Variants in AMPH observed in about 807,000 individuals in gnomAD.
AMPH encodes the protein amphiphysin, also known as amphiphysin (Stiff-Mann syndrome with breast cancer 128kD autoantigen).
A neutral mutation model predicts 99.1 loss-of-function variants in AMPH; 49 were observed. That is an observed-to-expected ratio of 0.49 (90% CI 0.39 to 0.63). The LOEUF is 0.63. Among genes scored for constraint, AMPH ranks in the 20% least tolerant of loss-of-function variants. The pLI is 0.00. For synonymous variants in AMPH, 314 were observed against 317.3 expected (o/e 0.99, Z 0.11); for missense variants, 759 against 863.4 (o/e 0.88, Z 1.52).
intron 11 of AMPH, among the ~76,000 whole-genome samples, chr7:38,440,073 C>G (rs950075042): frequency 3.9e-5 from 6 of 152,136 alleles, no homozygotes; most frequent in African/African-American, 1.4e-4. Flanking sequence ...AAAGTAGAGC[C>G]TTGCATAGCT....
intron 17 of AMPH, 109 bp from the exon 18 acceptor site, chr7:38,394,323 G>T: frequency 8.5e-7 from 1 of 1,182,510 alleles, no homozygotes; most frequent in Non-Finnish European, 1.2e-6. Context: ...TTCAGATTTG[G>T]AACATTCTTT....
In AMPH at chr7:38,422,269, T is replaced by C. The variant is rs145981481; in HGVS notation, c.1272+152A>G. On this transcript the variant is annotated intron_variant, in intron 16 of 20. Transcript: ENST00000356264. ...CAAATGCAAAGTCACACTGAGGTTTTACAGACACATTCTCTCCTGTTTTCT... is the reference window on the plus strand; with the variant it reads ...CAAATGCAAAGTCACACTGAGGTTTCACAGACACATTCTCTCCTGTTTTCT... 15 of 661,464 alleles carry C rather than the reference T, an allele frequency of 2.3e-5. No homozygotes were observed. In the East Asian group the frequency reaches 4.1e-4, roughly 18 times the overall value. 41.0% of individuals were successfully genotyped at this position (661,464 alleles called of 1,614,324 possible). A position where few individuals can be genotyped will look rare whatever the true frequency, so the allele number is the denominator to read the frequency against.
chr7:38,545,937 C>T (rs1412578352), intron 1 of AMPH, among the ~76,000 whole-genome samples: 1 of 152,090 alleles, frequency 6.6e-6, no homozygotes, highest in Non-Finnish European at 1.5e-5. Context: ...ACATACATTG[C>T]AGGTTTGAAT....
intron 1 of AMPH, among the ~76,000 whole-genome samples, chr7:38,537,052 T>C (rs1277093796): frequency 1.3e-5 from 2 of 152,192 alleles, no homozygotes; most frequent in East Asian, 1.9e-4. Flanking sequence ...AGAAAATTCA[T>C]TAACATAAAT....
intron 11 of AMPH, among the ~76,000 whole-genome samples, chr7:38,450,965 A>C (rs1786989527): frequency 6.6e-6 from 1 of 150,982 alleles, no homozygotes; most frequent in East Asian, 1.9e-4. Context: ...ATCATAGCTC[A>C]CTGTAACCTC....
chr7:38,523,059 G>A (rs370108562), intron 2 of AMPH, among the ~76,000 whole-genome samples: 149 of 150,874 alleles, frequency 9.9e-4, no homozygotes, highest in African/African-American at 3.4e-3. Context: ...AGTGAGTGGC[G>A]ATCGCACCTC....
rs3807413 is a variant in AMPH at position 38,497,459 on chromosome 7, G to A, written c.206-2932C>T. ...TTTCAAAATTTTGGACCTTCTCCAA[G>A]ACATTTCATATAACATTGTCTATTC... is the stretch of plus-strand genomic sequence containing the variant. On this transcript the variant is annotated intron_variant, in intron 3 of 20. Coordinates refer to ENST00000356264, the MANE Select transcript of AMPH (RefSeq NM_001635.4). 0.011 allele frequency among the ~76,000 whole-genome samples: 1,728 copies of A among 152,252 alleles called. 77 individuals are homozygous for A. In the East Asian group the frequency reaches 0.16, roughly 14 times the overall value.
At chr7:38,614,990 G>A (rs1444064712) in intron 1 of AMPH, among the ~76,000 whole-genome samples, 2 of 152,070 alleles carry the variant, frequency 1.3e-5, no homozygotes, top group East Asian at 1.9e-4. Flanking sequence ...AAATGTAAAG[G>A]CATAAAACCT....
chr7:38,601,763 G>C (rs1355834794), intron 1 of AMPH, among the ~76,000 whole-genome samples: 1 of 152,180 alleles, frequency 6.6e-6, no homozygotes, highest in Non-Finnish European at 1.5e-5. Context: ...CAAGCTCTCT[G>C]AGTGTCTGTT....
intron 11 of AMPH, among the ~76,000 whole-genome samples, chr7:38,458,247 C>G (rs1218611433): frequency 2.6e-5 from 4 of 152,092 alleles, no homozygotes; most frequent in African/African-American, 9.7e-5. Flanking sequence ...AGTCTCCCAA[C>G]AAACAGAAGC....
chr7:38,432,977 T>C (rs995136024), intron 12 of AMPH, among the ~76,000 whole-genome samples: 1 of 152,228 alleles, frequency 6.6e-6, no homozygotes, highest in Non-Finnish European at 1.5e-5. Flanking sequence ...CAGGGAAGAC[T>C]TCTCTTTCTT....
At chr7:38,396,287 G>T (rs1323200744) in intron 17 of AMPH, among the ~76,000 whole-genome samples, 1 of 152,160 alleles carries the variant, frequency 6.6e-6, no homozygotes, top group Non-Finnish European at 1.5e-5. Flanking sequence ...CTGTTCTCAT[G>T]ATAGTGACTG....
At chr7:38,615,772 C>A (rs1325659327) in intron 1 of AMPH, among the ~76,000 whole-genome samples, 1 of 152,068 alleles carries the variant, frequency 6.6e-6, no homozygotes, top group African/African-American at 2.4e-5. Context: ...TTGAGATTAC[C>A]CCAGCTGCCC....
intron 11 of AMPH, among the ~76,000 whole-genome samples, chr7:38,452,404 T>C (rs1787071908): frequency 1.3e-5 from 2 of 152,208 alleles, no homozygotes; most frequent in Admixed American, 1.3e-4. Flanking sequence ...TTTTCCCAGG[T>C]ATTGTTATTT....
intron 7 of AMPH, among the ~76,000 whole-genome samples, chr7:38,468,823 T>C (rs1463138836): frequency 6.6e-6 from 1 of 152,192 alleles, no homozygotes; most frequent in Non-Finnish European, 1.5e-5. Flanking sequence ...TATTCCGATG[T>C]GACCCTGGCT....
intron 11 of AMPH, among the ~76,000 whole-genome samples, chr7:38,444,990 CATATATAT>C (rs3056203): frequency 8.8e-5 from 12 of 135,842 alleles, no homozygotes; most frequent in African/African-American, 2.5e-4. Flanking sequence ...CATATATATA[CATATATAT>C]ATATATATAT....
At chr7:38,400,426 C>G (rs992186510) in intron 17 of AMPH, among the ~76,000 whole-genome samples, 4 of 152,348 alleles carry the variant, frequency 2.6e-5, no homozygotes, top group Non-Finnish European at 5.9e-5. Flanking sequence ...TAGTGGAAAG[C>G]CACATAATTA....
intron 1 of AMPH, among the ~76,000 whole-genome samples, chr7:38,590,250 G>A (rs910826572): frequency 6.6e-6 from 1 of 152,144 alleles, no homozygotes; most frequent in Non-Finnish European, 1.5e-5. Context: ...ACGAACCCAG[G>A]CACTTAGCTG....
intron 1 of AMPH, among the ~76,000 whole-genome samples, chr7:38,587,057 C>T (rs1792680176): frequency 6.6e-6 from 1 of 151,958 alleles, no homozygotes; most frequent in African/African-American, 2.4e-5. Flanking sequence ...CACACCTATT[C>T]TGAATCTCTA....
Sources: gnomAD v4.1 joint callset for allele counts (sites outside exome capture counted in the v4.1 genomes callset) on GRCh38, gnomAD v4.1.1 for gene constraint, MANE v1.5 for transcripts, NCBI Gene and HGNC (gene_info 2026-07-23, HGNC 2026-07-21) for gene names.